TOGARAM1: variants seen among roughly 807,000 people sequenced by gnomAD.
TOGARAM1 encodes TOG array regulator of axonemal microtubules 1.
TOGARAM1 carries 100 observed loss-of-function variants against 166.6 expected under a neutral mutation model. The ratio of observed to expected loss-of-function variants is 0.60; its 90% CI spans 0.51 to 0.71. The LOEUF is 0.71. TOGARAM1 is among the 30% of genes least tolerant of loss of function. TOGARAM1 has a pLI of 0.00. For synonymous variants in TOGARAM1, 758 were observed against 763.8 expected (o/e 0.99, Z 0.13); for missense variants, 2,029 against 2,102.7 (o/e 0.96, Z 0.69).
intron 3 of TOGARAM1, 58 bp from the exon 4 acceptor site, chr14:45,004,003 C>G (rs1887818092): frequency 2.8e-6 from 4 of 1,410,090 alleles, no homozygotes; most frequent in South Asian, 3.0e-5. Context: ...AGCAAAAAAG[C>G]TTTTAACTGT....
chr14:45,009,133 G>A lies in TOGARAM1; in HGVS notation c.3125G>A (p.Gly1042Glu). Residue 1042 changes from glycine to glutamate, a missense_variant, in exon 6 of 20, where the codon GGG becomes GAG. Gly to Glu is a moderately conservative substitution (Grantham distance 98). Around this residue, in one of 2 missense-constraint regions of TOGARAM1, gnomAD observed 1,453 missense variants for 1,432.2 expected, o/e 1.01. Coordinates refer to ENST00000361462, the MANE Select transcript of TOGARAM1 (RefSeq NM_001308120.2). ...LTSSLSTTPQ[G>E]KRIMSDIFPT... ...TCTTCTCTGTCTACAACTCCCCAGGGGAAGAGAATAATGTATTTTATTTTT... is the reference window on the plus strand; with the variant it reads ...TCTTCTCTGTCTACAACTCCCCAGGAGAAGAGAATAATGTATTTTATTTTT... The A allele has an allele frequency of 2.5e-6, 4 of 1,610,672 alleles. No individual in the cohort carries two copies. The highest frequency in any genetic ancestry group is 3.4e-6 in the Non-Finnish European group (4 of 1,177,464).
intron 11 of TOGARAM1, among the ~76,000 whole-genome samples, chr14:45,033,952 G>A (rs1012687762): frequency 4.6e-5 from 7 of 152,028 alleles, no homozygotes; most frequent in African/African-American, 1.7e-4. Flanking sequence ...TCAGGAGTTC[G>A]AGACCAGCCT....
In TOGARAM1 at chr14:45,073,559, T is replaced by C. The variant is rs1176028340; in HGVS notation, c.5320T>C (p.Ter1774ArgextTer46). The C allele has an allele frequency of 1.9e-6, 3 of 1,611,344 alleles. No homozygotes were observed. Among genetic ancestry groups the C allele is most frequent in the Non-Finnish European group, 2.5e-6 (3 of 1,178,780 alleles). Residue 1774 changes from the stop codon to arginine, a stop_lost, in exon 20 of 20, where the codon TGA becomes CGA. Transcript: ENST00000361462. ...LLDMTILNEL[*>R] The stretch of plus-strand genomic sequence containing the variant: ...CGATATGACAATTTTAAATGAATTA[T>C]GAATCTTCGATAAAATACTGTATGA...
Position 44,962,643 on chromosome 14 carries a change from C to G in TOGARAM1, c.222C>G (p.Pro74=). The change falls in exon 1 of 20, where the codon CCC becomes CCG. Residue 74 remains proline, a synonymous_variant. Transcript: ENST00000361462. Reference sequence around the variant, plus strand: ...CTCTGGCCTCGGCCCTCTTGATGCCCTCGGAGGCAGTCTCAAGCAGCTGGT... The same window carrying G: ...CTCTGGCCTCGGCCCTCTTGATGCCGTCGGAGGCAGTCTCAAGCAGCTGGT... ...TSPLASALLM[P]SEAVSSSWSE... 1 of 1,614,076 alleles carries G rather than the reference C, an allele frequency of 6.2e-7. No homozygotes were observed. The highest frequency in any genetic ancestry group is 8.5e-7 in the Non-Finnish European group (1 of 1,179,970).
chr14:45,035,851 C>G (rs1415000804), intron 11 of TOGARAM1, among the ~76,000 whole-genome samples: 4 of 150,778 alleles, frequency 2.7e-5, no homozygotes, highest in Non-Finnish European at 5.9e-5. Flanking sequence ...GTGGCTCACA[C>G]TTGTAATCCC....
Position 44,963,259 on chromosome 14 carries a change from C to G in TOGARAM1, c.838C>G (p.Leu280Val), listed in dbSNP as rs745478112. The G allele has an allele frequency of 2.5e-6, 4 of 1,614,200 alleles. No homozygotes were observed. The highest frequency in any genetic ancestry group is 1.1e-5 in the South Asian group (1 of 91,082). ...AGAATCTGAGACAGCTTTCTCCGCA[C>G]TTCAACAAATTGGGGAGCGACTTGG... Reference protein sequence around the residue: ...EEESETAFSALQQIGERLGQD... With the variant: ...EEESETAFSAVQQIGERLGQD... Residue 280 changes from leucine to valine, a missense_variant, in exon 1 of 20, where the codon CTT becomes GTT. Coordinates refer to ENST00000361462, the MANE Select transcript of TOGARAM1 (RefSeq NM_001308120.2).
chr14:44,991,012 T>C (rs1176057135), intron 1 of TOGARAM1, among the ~76,000 whole-genome samples: 1 of 138,806 alleles, frequency 7.2e-6, no homozygotes, highest in Non-Finnish European at 1.5e-5. Context: ...CAAGCTAGAG[T>C]GCTGTGGCAC....
chr14:45,063,481 T>G (rs970664691), intron 16 of TOGARAM1, among the ~76,000 whole-genome samples: 5 of 128,130 alleles, frequency 3.9e-5, no homozygotes, highest in Non-Finnish European at 8.3e-5. Context: ...TTGACAAAGT[T>G]TTTTTTTTTT....
At position 44,963,267 on chromosome 14, in the gene TOGARAM1, A is replaced by G; in HGVS notation, c.846A>G (p.Gln282=). ...AGACAGCTTTCTCCGCACTTCAACA[A>G]ATTGGGGAGCGACTTGGCCAAGACA... The part of the protein sequence containing the change: ...ESETAFSALQ[Q]IGERLGQDRF... Residue 282 remains glutamine, a synonymous_variant, in exon 1 of 20, where the codon CAA becomes CAG. Coordinates refer to ENST00000361462, the MANE Select transcript of TOGARAM1 (RefSeq NM_001308120.2). The G allele has an allele frequency of 1.2e-6, 2 of 1,614,126 alleles. No individual in the cohort carries two copies. The highest frequency in any genetic ancestry group is 1.7e-6 in the Non-Finnish European group (2 of 1,180,014).
At position 44,962,711 on chromosome 14, in the gene TOGARAM1, C is replaced by G. The variant is rs371275878; in HGVS notation, c.290C>G (p.Thr97Ser). 1.1e-5 allele frequency: 18 copies of G among 1,613,950 alleles called. No homozygotes were observed. The highest frequency in any genetic ancestry group is 1.4e-5 in the Non-Finnish European group (16 of 1,180,042). The change falls in exon 1 of 20, where the codon ACT (threonine) becomes AGT (serine). Residue 97 changes from threonine to serine, a missense_variant. Physicochemically the swap from Thr to Ser is moderately conservative, Grantham distance 58 (BLOSUM62 1). Transcript: ENST00000361462. The stretch of plus-strand genomic sequence containing the variant: ...TTGTCAGGGGGAGATGAAGAGGACA[C>G]TCGGCTCCTTCAACTCCTCCGCACT... The part of the protein sequence containing the change: ...GGLSGGDEED[T>S]RLLQLLRTAR...
At position 45,066,710 on chromosome 14, in the gene TOGARAM1, G is replaced by C. The variant is rs773037803; in HGVS notation, c.4692G>C (p.Lys1564Asn). 11 of 1,613,674 alleles carry C rather than the reference G, an allele frequency of 6.8e-6. No individual in the cohort carries two copies. Among genetic ancestry groups the C allele is most frequent in the Non-Finnish European group, 8.5e-7 (1 of 1,179,782 alleles). The change falls in exon 17 of 20, where the codon AAG (lysine) becomes AAC (asparagine). Residue 1564 changes from lysine (K) to asparagine (N), a missense_variant. Coordinates refer to ENST00000361462, the MANE Select transcript of TOGARAM1 (RefSeq NM_001308120.2). Reference sequence around the variant, plus strand: ...TTCGTGATCGTATTAATGGGATTAAGCAGCTTTTATCAGATACAGAAAATA... The same window carrying C: ...TTCGTGATCGTATTAATGGGATTAACCAGCTTTTATCAGATACAGAAAATA... ...KDFRDRINGI[K>N]QLLSDTENNQ...
chr14:45,058,681 T>C (rs1359843056), intron 16 of TOGARAM1, among the ~76,000 whole-genome samples: 2 of 152,206 alleles, frequency 1.3e-5, no homozygotes, highest in East Asian at 3.8e-4. Flanking sequence ...AGTTGGATCA[T>C]GTTTTTTATC....
chr14:44,982,786 T>G (rs539573362), intron 1 of TOGARAM1, among the ~76,000 whole-genome samples: 1 of 152,342 alleles, frequency 6.6e-6, no homozygotes, highest in South Asian at 2.1e-4. Flanking sequence ...GATTTTTGCC[T>G]CATTTAGTAT....
At chr14:44,980,064 A>T (rs1886446148) in intron 1 of TOGARAM1, among the ~76,000 whole-genome samples, 1 of 152,180 alleles carries the variant, frequency 6.6e-6, no homozygotes, top group Non-Finnish European at 1.5e-5. Context: ...CCTCCTCTGT[A>T]GTCTTAAGAC....
At chr14:44,964,529 G>A (rs1885407097) in intron 1 of TOGARAM1, 62 bp downstream of exon 1, 1 of 1,495,414 alleles carries the variant, frequency 6.7e-7, no homozygotes, top group South Asian at 1.4e-5. Flanking sequence ...ATATGCCCGT[G>A]ATGACTTAAG....
At position 44,963,860 on chromosome 14, in the gene TOGARAM1, A is replaced by C; in HGVS notation, c.1439A>C (p.Lys480Thr). 1.2e-6 allele frequency: 2 copies of C among 1,614,150 alleles called. No individual in the cohort carries two copies. The highest frequency in any genetic ancestry group is 1.7e-6 in the Non-Finnish European group (2 of 1,180,002). Residue 480 changes from lysine (K) to threonine (T), a missense_variant, in exon 1 of 20, where the codon AAA becomes ACA. Coordinates refer to ENST00000361462, the MANE Select transcript of TOGARAM1 (RefSeq NM_001308120.2). ...QVLCLLLEHLKHKHSRVREEV... is the reference protein window; with the variant it reads ...QVLCLLLEHLTHKHSRVREEV... Reference sequence around the variant, plus strand: ...CTTTGTTTACTCCTGGAACATCTCAAACATAAGCATTCCAGAGTGAGAGAG... The same window carrying C: ...CTTTGTTTACTCCTGGAACATCTCACACATAAGCATTCCAGAGTGAGAGAG...
At chr14:45,025,253 C>G (rs1209657732) in intron 7 of TOGARAM1, among the ~76,000 whole-genome samples, 1 of 152,012 alleles carries the variant, frequency 6.6e-6, no homozygotes, top group Non-Finnish European at 1.5e-5. Flanking sequence ...ACACCTCACC[C>G]TGACATGTAA....
At chr14:45,014,788 T>C (rs1377116741) in intron 7 of TOGARAM1, among the ~76,000 whole-genome samples, 2 of 152,198 alleles carry the variant, frequency 1.3e-5, no homozygotes, top group Non-Finnish European at 2.9e-5. Context: ...CCAAAGCCAG[T>C]ATGTTTATGA....
chr14:45,073,679 A>G lies in TOGARAM1; in HGVS notation c.*118A>G, dbSNP rs1235305601. On this transcript the variant is annotated 3_prime_UTR_variant, in exon 20 of 20. Coordinates refer to ENST00000361462, the MANE Select transcript of TOGARAM1 (RefSeq NM_001308120.2). ...CATCCAGCAAATTAAGTCAATGGCT[A>G]TTTTTATTTGCAGCCTATGAGTACA... 11 of 942,908 alleles carry G rather than the reference A, an allele frequency of 1.2e-5. No individual in the cohort carries two copies. The highest frequency in any genetic ancestry group is 3.3e-4 in the Middle Eastern group (1 of 2,996). 58.4% of individuals were successfully genotyped at this position (942,908 alleles called of 1,614,324 possible).
Sources: allele counts gnomAD v4.1 joint callset (sites outside exome capture counted in the v4.1 genomes callset), GRCh38; gene constraint gnomAD v4.1.1; regional missense constraint gnomAD v4.1.1; transcripts MANE v1.5; gene names NCBI Gene and HGNC (gene_info 2026-07-23, HGNC 2026-07-21).